Variants in CTNNA3 observed in about 807,000 individuals in gnomAD.
CTNNA3 encodes the protein catenin alpha 3.
Under a neutral mutation model 95.7 loss-of-function variants are expected in CTNNA3, and 76 were observed. The observed-to-expected ratio is 0.79, with a 90% CI of 0.66 to 0.96. The LOEUF is 0.96. Ranked by LOEUF, CTNNA3 falls within the 40% of genes least tolerant of loss-of-function variation. CTNNA3 has a pLI of 0.00. For missense variants in CTNNA3, 1,191 were observed against 1,089.8 expected, an observed-to-expected ratio of 1.09 and a Z score of -1.31; for synonymous variants, 431 against 374.4, an observed-to-expected ratio of 1.15 and a Z score of -1.74.
intron 13 of CTNNA3, among the ~76,000 whole-genome samples, chr10:66,205,339 C>T (rs2087691090): frequency 6.6e-6 from 1 of 151,850 alleles, no homozygotes; most frequent in East Asian, 1.9e-4. Flanking sequence ...TATTTGAGGG[C>T]CACTAAAGTC....
At chr10:66,595,827 A>T (rs55902702) in intron 10 of CTNNA3, among the ~76,000 whole-genome samples, 46,536 of 151,502 alleles carry the variant, frequency 0.31, 7,522 homozygotes, top group Middle Eastern at 0.45. Flanking sequence ...TTATTTATTT[A>T]TTTGTAGAGA....
intron 7 of CTNNA3, among the ~76,000 whole-genome samples, chr10:66,858,566 G>T (rs1368000965): frequency 1.3e-5 from 2 of 151,988 alleles, no homozygotes; most frequent in South Asian, 2.1e-4. Flanking sequence ...TTTTGTTAAT[G>T]ATTCAATTTT....
At chr10:67,025,106 G>A (rs1853273784) in intron 7 of CTNNA3, among the ~76,000 whole-genome samples, 1 of 128,282 alleles carries the variant, frequency 7.8e-6, no homozygotes, top group Non-Finnish European at 1.6e-5. Flanking sequence ...ACTCCAGCCT[G>A]AGCAACAAGA....
chr10:66,573,687 C>A (rs1210735438), intron 10 of CTNNA3, among the ~76,000 whole-genome samples: 1 of 152,088 alleles, frequency 6.6e-6, no homozygotes, highest in African/African-American at 2.4e-5. Flanking sequence ...ATACCCCCTG[C>A]TTTCAATTAA....
chr10:66,440,910 TG>T (rs1564965145), intron 11 of CTNNA3, among the ~76,000 whole-genome samples: 1 of 152,240 alleles, frequency 6.6e-6, no homozygotes, highest in Non-Finnish European at 1.5e-5. Context: ...TAGATGTTTT[TG>T]TATAAATTCC....
intron 12 of CTNNA3, among the ~76,000 whole-genome samples, chr10:66,355,706 A>G (rs959858961): frequency 6.9e-6 from 1 of 145,782 alleles, no homozygotes; most frequent in African/African-American, 2.5e-5. Flanking sequence ...TTCACAGAGG[A>G]TTTTTTTTAA....
At chr10:67,616,079 G>A (rs1843646621) in intron 2 of CTNNA3, among the ~76,000 whole-genome samples, 2 of 152,140 alleles carry the variant, frequency 1.3e-5, no homozygotes, top group African/African-American at 4.8e-5. Flanking sequence ...GATTAAGTAA[G>A]AAGGATCCAA....
chr10:66,226,974 A>ATAT (rs1476545842), intron 13 of CTNNA3, among the ~76,000 whole-genome samples: 2 of 152,012 alleles, frequency 1.3e-5, no homozygotes, highest in African/African-American at 4.8e-5. Context: ...AGATTTTCCT[A>ATAT]TATATAAGAT....
chr10:67,736,585 A>G (rs1281055713), intron 1 of CTNNA3, among the ~76,000 whole-genome samples: 1 of 151,196 alleles, frequency 6.6e-6, no homozygotes, highest in African/African-American at 2.4e-5. Context: ...CCTCCCAAGT[A>G]GCTGGGACTA....
At chr10:67,734,865 G>GT (rs544136858) in intron 1 of CTNNA3, among the ~76,000 whole-genome samples, 98 of 151,760 alleles carry the variant, frequency 6.5e-4, no homozygotes, top group South Asian at 2.5e-3. Context: ...TATAACATGG[G>GT]TTTTTTTTAA....
At chr10:67,086,732 A>C (rs1167715030) in intron 7 of CTNNA3, among the ~76,000 whole-genome samples, 1 of 152,008 alleles carries the variant, frequency 6.6e-6, no homozygotes, top group East Asian at 1.9e-4. Context: ...TGAGACCAAA[A>C]TACCCTATCA....
At chr10:67,118,764 C>T (rs1859317519) in intron 7 of CTNNA3, among the ~76,000 whole-genome samples, 2 of 151,832 alleles carry the variant, frequency 1.3e-5, no homozygotes. Context: ...TCTCCCCTCT[C>T]ATGAACTAAG....
rs187555545 is a variant in CTNNA3 at position 67,753,296 on chromosome 10, C to A, written c.-2+10138G>T. ...GCAGAAAATTGAAACTGGGCCCTTT[C>A]TTTATAATTCATACAAAAATTAACT... On this transcript the variant is annotated intron_variant, in intron 1 of 17. Transcript: ENST00000684154. Among the ~76,000 whole-genome samples the A allele has an allele frequency of 1.5e-4, 23 of 152,186 alleles. No individual in the cohort carries two copies. In the East Asian group the frequency reaches 3.7e-3, roughly 24 times the overall value.
chr10:67,244,525 A>G (rs147985062), intron 5 of CTNNA3, among the ~76,000 whole-genome samples: 31 of 152,350 alleles, frequency 2.0e-4, no homozygotes, highest in Non-Finnish European at 3.7e-4. Flanking sequence ...AAGTATTTAT[A>G]TAGTGGAATT....
chr10:66,652,127 C>CA (rs1232130906), intron 9 of CTNNA3, among the ~76,000 whole-genome samples: 1 of 141,180 alleles, frequency 7.1e-6, no homozygotes, highest in Admixed American at 7.0e-5. Flanking sequence ...AAACTAAGCC[C>CA]AAAGTTAGCA....
intron 12 of CTNNA3, among the ~76,000 whole-genome samples, chr10:66,316,879 C>A (rs189198092): frequency 6.6e-6 from 1 of 151,934 alleles, no homozygotes. Context: ...TAGACCAAAA[C>A]CTATGAACTT....
intron 7 of CTNNA3, among the ~76,000 whole-genome samples, chr10:67,072,087 G>A (rs1183744492): frequency 6.6e-6 from 1 of 152,072 alleles, no homozygotes; most frequent in East Asian, 1.9e-4. Context: ...TGAGTAGCTG[G>A]GATTACAGAC....
At chr10:66,682,454 T>C (rs4990412) in intron 9 of CTNNA3, among the ~76,000 whole-genome samples, 83,504 of 151,214 alleles carry the variant, frequency 0.55, 23,745 homozygotes, top group African/African-American at 0.68. Context: ...GATTAAAATA[T>C]GGATGGAAGG....
At chr10:66,359,314 T>C (rs2132417721) in intron 12 of CTNNA3, among the ~76,000 whole-genome samples, 1 of 152,268 alleles carries the variant, frequency 6.6e-6, no homozygotes, top group Non-Finnish European at 1.5e-5. Flanking sequence ...CTGTTTTCTT[T>C]TTTATTATAG....
Sources: allele counts gnomAD v4.1 joint callset (sites outside exome capture counted in the v4.1 genomes callset), GRCh38; gene constraint gnomAD v4.1.1; transcripts MANE v1.5; gene names NCBI Gene and HGNC (gene_info 2026-07-23, HGNC 2026-07-21).